Variants in PIEZO1 observed in about 807,000 individuals in gnomAD.
The protein encoded by PIEZO1 is piezo-type mechanosensitive ion channel component 1.
Under a neutral mutation model 297.2 loss-of-function variants are expected in PIEZO1, and 296 were observed. The ratio of observed to expected loss-of-function variants is 1.00; its 90% CI spans 0.91 to 1.10. The LOEUF (loss-of-function observed/expected upper bound fraction) is 1.10. Among genes scored for constraint, PIEZO1 ranks in the 50% least tolerant of loss-of-function variants. The probability of loss-of-function intolerance (pLI) is 0.00; values close to 1 mark genes in which losing one functional copy is unlikely to be tolerated. For synonymous variants in PIEZO1, 2,427 were observed against 1,507.5 expected, an observed-to-expected ratio of 1.61 and a Z score of -14.13; for missense variants, 5,018 against 3,455.5, an observed-to-expected ratio of 1.45 and a Z score of -11.34.
At position 88,716,275 on chromosome 16, in the gene PIEZO1, A is replaced by T; in HGVS notation, c.7052T>A (p.Val2351Asp). Residue 2351 changes from valine (V) to aspartate (D), a missense_variant and splice_region_variant, in exon 49 of 51, where the codon GTC (valine) becomes GAC (aspartate). Val to Asp is a radical substitution (Grantham distance 152). Transcript: ENST00000301015. The stretch of plus-strand genomic sequence containing the variant: ...GTACTTGGGGAAGAGATTAGGGATG[A>T]CCCTGCAGGGAGGTGCTGGCAGGTC... ...LLEGTSDQSV[V>D]IPNLFPKYIR... 6.7e-7 allele frequency: 1 copy of T among 1,489,580 alleles called. No homozygotes were observed. The highest frequency in any genetic ancestry group is 1.3e-5 in the South Asian group (1 of 74,102). The allele number at this position is 1,489,580 out of a possible 1,614,324, so 92.3% of individuals were successfully genotyped here.
At position 88,725,601 on chromosome 16, in the gene PIEZO1, T is replaced by C; in HGVS notation, c.4052A>G (p.Lys1351Arg). ...RIEEKSLAQL[K>R]RQMERIRAKQ... is the part of the protein sequence containing the mutation. Reference sequence around the variant, plus strand: ...CCGCCCCAGAGGCACCTACTGTCTTTTCAGCTGGGCCAGGGACTTCTCCTC... The same window carrying C: ...CCGCCCCAGAGGCACCTACTGTCTTCTCAGCTGGGCCAGGGACTTCTCCTC... The change falls in exon 28 of 51, where the codon AAA becomes AGA. Residue 1351 changes from lysine (K) to arginine (R), a missense_variant. Physicochemically the swap from Lys to Arg is conservative, Grantham distance 26. Transcript: ENST00000301015. 5.2e-6 allele frequency: 8 copies of C among 1,548,366 alleles called. No homozygotes were observed. The highest frequency in any genetic ancestry group is 7.0e-6 in the Non-Finnish European group (8 of 1,144,994).
In PIEZO1 at chr16:88,715,714, A is replaced by T; in HGVS notation, c.7457T>A (p.Leu2486Gln). 6.4e-7 allele frequency: 1 copy of T among 1,550,470 alleles called. No homozygotes were observed. Among genetic ancestry groups the T allele is most frequent in the Non-Finnish European group, 8.7e-7 (1 of 1,146,974 alleles). The change falls in exon 51 of 51, where the codon CTG (leucine) becomes CAG (glutamine). Residue 2486 changes from leucine to glutamine, a missense_variant. Physicochemically the swap from Leu to Gln is moderately radical, Grantham distance 113. Transcript: ENST00000301015. ...CTCCAGCTCCCGAGTCTCCCGCACC[A>T]GGAAGATGTCCTGGCAGAGCTTGAG... The part of the protein sequence containing the change: ...RILKLCQDIF[L>Q]VRETRELELE...
In PIEZO1 at chr16:88,742,439, G is replaced by A. The variant is rs994233511; in HGVS notation, c.161-17C>T. The A allele has an allele frequency of 4.0e-5, 62 of 1,533,506 alleles. No homozygotes were observed. The highest frequency in any genetic ancestry group is 1.9e-4 in the Middle Eastern group (1 of 5,198). 95.0% of individuals were successfully genotyped at this position (1,533,506 alleles called of 1,614,324 possible). A position where few individuals can be genotyped will look rare whatever the true frequency, so the allele number is the denominator to read the frequency against. ...CTGTGTGACCTGCGGCAGAGCGAGT[G>A]GGTGAGGCTGGTCCCGGGGACGGGG... On this transcript the variant is annotated splice_polypyrimidine_tract_variant and intron_variant, in intron 2 of 50. Transcript: ENST00000301015.
At position 88,719,650 on chromosome 16, in the gene PIEZO1, G is replaced by A. The variant is rs1597442854; in HGVS notation, c.6395C>T (p.Ser2132Phe). The change falls in exon 44 of 51, where the codon TCC becomes TTC. Residue 2132 changes from serine (S) to phenylalanine (F), a missense_variant. By Grantham distance (155) the Ser-to-Phe change is radical (BLOSUM62 -2). Coordinates refer to ENST00000301015, the MANE Select transcript of PIEZO1 (RefSeq NM_001142864.4). ...CTCCACACACATCCAGCTGGACAGG[G>A]ACAGCGTGGTGTCCGTCCACACCCA... The part of the protein sequence containing the change: ...MDWVWTDTTL[S>F]LSSWMCVEDI... 1 of 1,554,198 alleles carries A rather than the reference G, an allele frequency of 6.4e-7. No individual in the cohort carries two copies. Among genetic ancestry groups the A allele is most frequent in the Non-Finnish European group, 8.7e-7 (1 of 1,149,060 alleles).
chr16:88,760,397 A>C (rs1906875811), intron 1 of PIEZO1, among the ~76,000 whole-genome samples: 1 of 152,244 alleles, frequency 6.6e-6, no homozygotes, highest in African/African-American at 2.4e-5. Context: ...TGAGAGAGAA[A>C]ATGGATTCTA....
rs370988215 is a variant in PIEZO1 at position 88,738,052 on chromosome 16, G to A, written c.902C>T (p.Ala301Val). ...GTCCAGGCCGGTGTTGAGGACCAGCGCGTGGGGGCTGGAGCAGTTGGTGGG... is the reference window on the plus strand; with the variant it reads ...GTCCAGGCCGGTGTTGAGGACCAGCACGTGGGGGCTGGAGCAGTTGGTGGG... ...VGPTNCSSPH[A>V]LVLNTGLDWP... Residue 301 changes from alanine to valine, a missense_variant, in exon 8 of 51, where the codon GCG becomes GTG. By Grantham distance (64) the Ala-to-Val change is moderately conservative. Coordinates refer to ENST00000301015, the MANE Select transcript of PIEZO1 (RefSeq NM_001142864.4). 3.7e-5 allele frequency: 57 copies of A among 1,535,672 alleles called. No homozygotes were observed. The highest frequency in any genetic ancestry group is 1.4e-4 in the African/African-American group (10 of 73,052).
At chr16:88,720,934 G>A (rs2142763054) in intron 39 of PIEZO1, among the ~76,000 whole-genome samples, 186 bp from the exon 40 acceptor site, 1 of 152,306 alleles carries the variant, frequency 6.6e-6, no homozygotes, top group South Asian at 2.1e-4. Context: ...GCAACTGTGA[G>A]GGGCCAGCCC....
At chr16:88,771,488 C>G (rs1286783650) in intron 1 of PIEZO1, among the ~76,000 whole-genome samples, 1 of 152,226 alleles carries the variant, frequency 6.6e-6, no homozygotes, top group African/African-American at 2.4e-5. Context: ...GCTTTCTTGA[C>G]TGGGGGCTCG....
Position 88,722,884 on chromosome 16 carries a change from C to A in PIEZO1, c.4621G>T (p.Asp1541Tyr). ...EFTRHHGTMS[D>Y]VLRAERYLLT... ...AGGTAGCGCTCTGCCCGCAGCACGT[C>A]GCTCATGGTGCCGTGGTGCCGGGTG... The change falls in exon 34 of 51, where the codon GAC becomes TAC. Residue 1541 changes from aspartate (D) to tyrosine (Y), a missense_variant. Transcript: ENST00000301015. The A allele has an allele frequency of 6.5e-7, 1 of 1,548,870 alleles. No individual in the cohort carries two copies. Among genetic ancestry groups the A allele is most frequent in the Non-Finnish European group, 8.7e-7 (1 of 1,146,812 alleles).
At chr16:88,778,643 G>A (rs968982812) in intron 1 of PIEZO1, among the ~76,000 whole-genome samples, 15 of 152,194 alleles carry the variant, frequency 9.9e-5, no homozygotes, top group South Asian at 2.1e-4. Flanking sequence ...GACGGTCAGC[G>A]TCCCCATGGG....
At chr16:88,780,058 C>T (rs1472204811) in intron 1 of PIEZO1, among the ~76,000 whole-genome samples, 1 of 152,180 alleles carries the variant, frequency 6.6e-6, no homozygotes, top group Non-Finnish European at 1.5e-5. Flanking sequence ...GGGCCCCACA[C>T]GTTCAGAGCA....
Position 88,734,175 on chromosome 16 carries a change from G to A in PIEZO1, c.2181-121C>T, listed in dbSNP as rs114314233. The A allele has an allele frequency of 7.7e-4, 1,014 of 1,316,416 alleles. 6 individuals are homozygous for A. In the African/African-American group the frequency reaches 0.014, roughly 18 times the overall value. 81.5% of individuals were successfully genotyped at this position (1,316,416 alleles called of 1,614,324 possible). The stretch of plus-strand genomic sequence containing the variant: ...GCTGCCAGTTCAGGTGCACAGCTGT[G>A]TCGCAACTCATGCCCACTGTCCCTG... On this transcript the variant is annotated intron_variant, in intron 16 of 50. Coordinates refer to ENST00000301015, the MANE Select transcript of PIEZO1 (RefSeq NM_001142864.4).
chr16:88,733,848 G>A (rs960242740), intron 17 of PIEZO1, 58 bp downstream of exon 17: 53 of 1,461,468 alleles, frequency 3.6e-5, no homozygotes, highest in Admixed American at 3.0e-4. Flanking sequence ...AACGCCCCCC[G>A]AGCTGGGACA....
chr16:88,764,860 A>G (rs914315570), intron 1 of PIEZO1, among the ~76,000 whole-genome samples: 25 of 151,944 alleles, frequency 1.6e-4, no homozygotes, highest in African/African-American at 5.8e-4. Context: ...CCTCGGCACC[A>G]GGGGCAGACA....
intron 39 of PIEZO1, 27 bp downstream of exon 39, chr16:88,721,139 G>C: frequency 7.5e-6 from 11 of 1,465,180 alleles, no homozygotes; most frequent in Non-Finnish European, 9.9e-6. Context: ...TGGGTAGGCA[G>C]GAGGTTGTGA....
intron 1 of PIEZO1, among the ~76,000 whole-genome samples, chr16:88,783,102 C>T (rs1394365480): frequency 6.6e-6 from 1 of 152,226 alleles, no homozygotes; most frequent in African/African-American, 2.4e-5. Context: ...GACACGGGGC[C>T]TGGGTGAGCA....
chr16:88,727,875 G>C, intron 22 of PIEZO1: 1 of 378,372 alleles, frequency 2.6e-6, no homozygotes, highest in Non-Finnish European at 4.7e-6. Flanking sequence ...TGGGGGCAAA[G>C]GAACTGAGCA....
chr16:88,719,397 C>A, intron 44 of PIEZO1, 177 bp downstream of exon 44: 1 of 618,588 alleles, frequency 1.6e-6, no homozygotes, highest in South Asian at 2.0e-5. Flanking sequence ...TCACTCGCAG[C>A]TGCCAAGATC....
chr16:88,730,067 C>T (rs1157204898), intron 22 of PIEZO1, among the ~76,000 whole-genome samples: 1 of 152,234 alleles, frequency 6.6e-6, no homozygotes, highest in Non-Finnish European at 1.5e-5. Flanking sequence ...AAGAGGTGGA[C>T]AGGAGACGGG....
Sources: gnomAD v4.1 joint callset for allele counts (sites outside exome capture counted in the v4.1 genomes callset) on GRCh38, gnomAD v4.1.1 for gene constraint, MANE v1.5 for transcripts, NCBI Gene and HGNC (gene_info 2026-07-23, HGNC 2026-07-21) for gene names.